CPNE7: variants seen among roughly 807,000 people sequenced by gnomAD.
CPNE7 encodes copine 7.
A neutral mutation model predicts 66.5 loss-of-function variants in CPNE7; 78 were observed. The observed-to-expected ratio is 1.17, with a 90% CI of 0.98 to 1.42. The LOEUF is 1.42. CPNE7 is among the 40% of genes most tolerant of loss of function. CPNE7 has a pLI of 0.00. For synonymous variants in CPNE7, 468 were observed against 336.7 expected (o/e 1.39, Z -4.27); for missense variants, 1,012 against 776.6 (o/e 1.30, Z -3.60).
intron 2 of CPNE7, chr16:89,579,106 T>G: frequency 3.0e-6 from 2 of 676,434 alleles, no homozygotes; most frequent in Admixed American, 3.5e-5. Flanking sequence ...CTGGCCAACA[T>G]GATGAAACCC....
intron 13 of CPNE7, 98 bp downstream of exon 13, chr16:89,591,358 C>A: frequency 7.0e-7 from 1 of 1,429,396 alleles, no homozygotes; most frequent in Non-Finnish European, 9.2e-7. Context: ...AGGGAACAGC[C>A]AGCGCAGAGG....
intron 9 of CPNE7, among the ~76,000 whole-genome samples, chr16:89,588,371 G>T (rs925206925): frequency 6.6e-6 from 1 of 152,226 alleles, no homozygotes; most frequent in African/African-American, 2.4e-5. Context: ...CCCTGCCGGG[G>T]AGGGTGGTAG....
At chr16:89,592,027 A>C (rs994590359) in intron 13 of CPNE7, among the ~76,000 whole-genome samples, 1 of 122,906 alleles carries the variant, frequency 8.1e-6, no homozygotes, top group Non-Finnish European at 1.6e-5. Context: ...TTTTTTTTTG[A>C]GACGGAGTCT....
intron 11 of CPNE7, among the ~76,000 whole-genome samples, chr16:89,590,779 GGCCGGGGACGGGGGGAGCAGC>G (rs2059154400): frequency 1.1e-5 from 1 of 87,632 alleles, no homozygotes; most frequent in Non-Finnish European, 2.5e-5. Flanking sequence ...GGGACATGGG[GGCCGGGGACGGGGGGAGCAGC>G]TGACTGGGGG....
At position 89,587,106 on chromosome 16, in the gene CPNE7, A is replaced by AT. The variant is rs772972396; in HGVS notation, c.927+4_927+5insT. ...CGGCTGCCAGATCCACTTCACCGTG[A>AT]GTCCATGGCCCCGCCCCATGCCGCC... On this transcript the variant is annotated splice_donor_region_variant and intron_variant, in intron 9 of 14. Coordinates refer to ENST00000319518, the MANE Select transcript of CPNE7 (RefSeq NM_153636.3). 6.5e-7 allele frequency: 1 copy of AT among 1,545,664 alleles called. No individual in the cohort carries two copies. The highest frequency in any genetic ancestry group is 8.7e-7 in the Non-Finnish European group (1 of 1,145,200).
chr16:89,590,496 G>A (rs1301932940), intron 11 of CPNE7, among the ~76,000 whole-genome samples: 2 of 152,136 alleles, frequency 1.3e-5, no homozygotes, highest in East Asian at 3.9e-4. Context: ...CTGCAGTCCA[G>A]CCTGGCCTGT....
chr16:89,595,575 A>G lies in CPNE7; in HGVS notation c.1511A>G (p.Gln504Arg), dbSNP rs958267553. ...GAGCCCGCGCTCCGGGACATCGTAC[A>G]GTTCGTGCCCTTCCGGGAGCTCAAG... ...RGEPALRDIVQFVPFRELKNA... is the reference protein window; with the variant it reads ...RGEPALRDIVRFVPFRELKNA... Residue 504 changes from glutamine to arginine, a missense_variant, in exon 14 of 15, where the codon CAG (glutamine) becomes CGG (arginine). By Grantham distance (43) the Gln-to-Arg change is conservative. Coordinates refer to ENST00000319518, the MANE Select transcript of CPNE7 (RefSeq NM_153636.3). The G allele has an allele frequency of 1.2e-6, 2 of 1,607,856 alleles. No homozygotes were observed. Among genetic ancestry groups the G allele is most frequent in the South Asian group, 2.2e-5 (2 of 90,872 alleles).
chr16:89,575,881 C>G lies in CPNE7; in HGVS notation c.-17C>G. ...GGCCCCTCAGTGCGCCCAGCCGGGC[C>G]CCCGAACGCCGGGAGCATGAGCGCG... On this transcript the variant is annotated 5_prime_UTR_variant, in exon 1 of 15. Transcript: ENST00000319518. 8.3e-7 allele frequency: 1 copy of G among 1,206,906 alleles called. No homozygotes were observed. Among genetic ancestry groups the G allele is most frequent in the Non-Finnish European group, 1.0e-6 (1 of 971,754 alleles). 74.8% of individuals were successfully genotyped at this position (1,206,906 alleles called of 1,614,324 possible). A position where few individuals can be genotyped will look rare whatever the true frequency, so the allele number is the denominator to read the frequency against.
rs35731090 is a variant in CPNE7, at chr16:89,591,252, A to G, written c.1294A>G (p.Lys432Glu). 2.2e-3 allele frequency: 3,549 copies of G among 1,582,066 alleles called. 77 individuals carry two copies. In the African/African-American group the frequency reaches 0.042, roughly 19 times the overall value. Residue 432 changes from lysine (K) to glutamate (E), a missense_variant, in exon 13 of 15, where the codon AAA becomes GAA. Physicochemically the swap from Lys to Glu is moderately conservative, Grantham distance 56 (BLOSUM62 1). Coordinates refer to ENST00000319518, the MANE Select transcript of CPNE7 (RefSeq NM_153636.3). ...RVAAAEESTG[K>E]ASQYYILLIL... ...GGCGGCGGCCGAGGAGAGCACCGGGAAAGCCTCTGTAGGTGCCCGGGGGGT... is the reference window on the plus strand; with the variant it reads ...GGCGGCGGCCGAGGAGAGCACCGGGGAAGCCTCTGTAGGTGCCCGGGGGGT...
rs187746284 is a variant in CPNE7, at chr16:89,590,296, G to A, written c.1116+345G>A. On this transcript the variant is annotated intron_variant, in intron 11 of 14. Coordinates refer to ENST00000319518, the MANE Select transcript of CPNE7 (RefSeq NM_153636.3). ...TCCCAGCACTTTGGGAGGCCGAGGC[G>A]GGCCGATTACCTGAGGTCAGGAGTT... is the stretch of plus-strand genomic sequence containing the variant. Among the ~76,000 whole-genome samples the A allele has an allele frequency of 1.4e-3, 207 of 152,268 alleles. 3 individuals are homozygous for A. The highest frequency in any genetic ancestry group is 1.7e-3 in the Non-Finnish European group (118 of 68,018).
chr16:89,584,048 G>A lies in CPNE7; in HGVS notation c.453G>A (p.Ser151=), dbSNP rs145150175. The stretch of plus-strand genomic sequence containing the variant: ...GCCAGGTGATCGCCGAGGACATCTC[G>A]GGGAACAACGGCTACGTGGAGCTCT... ...STITVIAEDI[S]GNNGYVELSF... Residue 151 remains serine (S), a synonymous_variant, in exon 4 of 15, where the codon TCG becomes TCA. Transcript: ENST00000319518. This position sits in a 1 kb window ranked among gnomAD's most constrained non-coding sequence, Gnocchi z 6.0. The A allele has an allele frequency of 1.7e-4, 281 of 1,612,050 alleles. No individual in the cohort carries two copies. The highest frequency in any genetic ancestry group is 2.2e-4 in the Non-Finnish European group (260 of 1,179,670).
chr16:89,576,205 C>T, intron 1 of CPNE7, 134 bp downstream of exon 1: 1 of 647,124 alleles, frequency 1.5e-6, no homozygotes, highest in Admixed American at 4.6e-5. Context: ...GGGCTCAGCT[C>T]GGGGTCAGGG....
intron 3 of CPNE7, 57 bp from the exon 4 acceptor site, chr16:89,583,971 C>T: frequency 6.3e-7 from 1 of 1,588,950 alleles, no homozygotes; most frequent in Non-Finnish European, 8.6e-7. Context: ...TCTGGTCCCC[C>T]ACGGTGGGGT....
At chr16:89,578,882 T>G (rs1286966632) in intron 2 of CPNE7, 1 of 1,612,700 alleles carries the variant, frequency 6.2e-7, no homozygotes, top group Non-Finnish European at 8.5e-7. Flanking sequence ...CTTCTGCAAG[T>G]CGTGATGAGA....
rs908079064 is a variant in CPNE7, at chr16:89,588,680, C to G, written c.933C>G (p.Ala311=). The G allele has an allele frequency of 6.2e-7, 1 of 1,613,092 alleles. No individual in the cohort carries two copies. The stretch of plus-strand genomic sequence containing the variant: ...TGGCTCCCGGCCCACTGCAGGTGGC[C>G]ATTGACTTCACCGCCTCCAATGGAG... The part of the protein sequence containing the change: ...MGGCQIHFTV[A]IDFTASNGDP... Residue 311 remains alanine, a synonymous_variant, in exon 10 of 15, where the codon GCC becomes GCG. Coordinates refer to ENST00000319518, the MANE Select transcript of CPNE7 (RefSeq NM_153636.3).
Position 89,586,690 on chromosome 16 carries a change from C to G in CPNE7, c.801C>G (p.Asn267Lys), listed in dbSNP as rs775963487. The change falls in exon 8 of 15, where the codon AAC becomes AAG. Residue 267 changes from asparagine to lysine, a missense_variant. Asn to Lys is a moderately conservative substitution (Grantham distance 94, BLOSUM62 0). Coordinates refer to ENST00000319518, the MANE Select transcript of CPNE7 (RefSeq NM_153636.3). Reference sequence around the variant, plus strand: ...CCCAGGCCCAGTGGGACTGTGTGAACCCCAAATACAAGCAGAAGAGACGCA... The same window carrying G: ...CCCAGGCCCAGTGGGACTGTGTGAAGCCCAAATACAAGCAGAAGAGACGCA... ...EEGQAQWDCV[N>K]PKYKQKRRSY... 5.6e-6 allele frequency: 9 copies of G among 1,612,646 alleles called. No individual in the cohort carries two copies. Among genetic ancestry groups the G allele is most frequent in the African/African-American group, 2.7e-5 (2 of 74,626 alleles).
In CPNE7 at chr16:89,584,650, G is replaced by C. The variant is rs564908063; in HGVS notation, c.508-124G>C. Reference sequence around the variant, plus strand: ...GCTGTCGGCGGGGACTGGCTGCCTCGTTTTGTGCCTGAGGAATTAGCGGCT... The same window carrying C: ...GCTGTCGGCGGGGACTGGCTGCCTCCTTTTGTGCCTGAGGAATTAGCGGCT... On this transcript the variant is annotated intron_variant, in intron 4 of 14. Coordinates refer to ENST00000319518, the MANE Select transcript of CPNE7 (RefSeq NM_153636.3). The surrounding 1 kb of genome is among the most constrained non-coding windows in gnomAD (Gnocchi z 6.0). 7 of 730,238 alleles carry C rather than the reference G, an allele frequency of 9.6e-6. No individual in the cohort carries two copies. The Admixed American group carries it at 1.1e-4, about 11-fold the overall frequency. The allele number at this position is 730,238 out of a possible 1,614,324, so 45.2% of individuals were successfully genotyped here.
In CPNE7 at chr16:89,584,024, C is replaced by A; in HGVS notation, c.433-4C>A. Reference sequence around the variant, plus strand: ...AGCCTGGAGCCCGGGCGTCCCCCTGCCAGGTGATCGCCGAGGACATCTCGG... The same window carrying A: ...AGCCTGGAGCCCGGGCGTCCCCCTGACAGGTGATCGCCGAGGACATCTCGG... On this transcript the variant is annotated splice_region_variant and splice_polypyrimidine_tract_variant and intron_variant, in intron 3 of 14. Transcript: ENST00000319518. The surrounding 1 kb of genome is among the most constrained non-coding windows in gnomAD (Gnocchi z 6.0). The A allele has an allele frequency of 6.2e-7, 1 of 1,611,896 alleles. No individual in the cohort carries two copies. Among genetic ancestry groups the A allele is most frequent in the South Asian group, 1.1e-5 (1 of 91,040 alleles).
intron 10 of CPNE7, among the ~76,000 whole-genome samples, chr16:89,589,438 A>G (rs1249886112): frequency 6.6e-6 from 1 of 152,184 alleles, no homozygotes; most frequent in African/African-American, 2.4e-5. Context: ...TCACCCGCGT[A>G]TGCTTTACCA....
Sources: gnomAD v4.1 joint callset for allele counts (sites outside exome capture counted in the v4.1 genomes callset) on GRCh38, gnomAD v4.1.1 for gene constraint, Gnocchi (gnomAD v3.1) non-coding constraint, MANE v1.5 for transcripts, NCBI Gene and HGNC (gene_info 2026-07-23, HGNC 2026-07-21) for gene names.